Variants in IL34 observed in about 807,000 individuals in gnomAD.
IL34 encodes the protein interleukin-34.
Under a neutral mutation model 25.3 loss-of-function variants are expected in IL34, and 17 were observed. The ratio of observed to expected loss-of-function variants is 0.67; its 90% CI spans 0.46 to 1.01. The LOEUF is 1.01. IL34 is among the 50% of genes least tolerant of loss of function. The pLI, the probability that IL34 is intolerant of heterozygous loss-of-function variation, is 0.00. For missense variants in IL34, 368 were observed against 312.9 expected (o/e 1.18, Z -1.33); for synonymous variants, 174 against 140.9 (o/e 1.23, Z -1.66).
Position 70,646,954 on chromosome 16 carries a change from C to G in IL34, c.7C>G (p.Arg3Gly). The G allele has an allele frequency of 1.4e-6, 2 of 1,467,882 alleles. No homozygotes were observed. The highest frequency in any genetic ancestry group is 3.1e-5 in the Admixed American group (1 of 31,802). 90.9% of individuals were successfully genotyped at this position (1,467,882 alleles called of 1,614,324 possible). A position where few individuals can be genotyped will look rare whatever the true frequency, so the allele number is the denominator to read the frequency against. Residue 3 changes from arginine to glycine, a missense_variant, in exon 1 of 6, where the codon CGG becomes GGG. Transcript: ENST00000288098. The stretch of plus-strand genomic sequence containing the variant: ...GGGGACGAGGAACACCACCATGCCC[C>G]GGGGCTTCACCTGGCTGCGCTGTGA... MP[R>G]GFTWLRYLGI...
At chr16:70,639,757 C>A (rs913678918) in intron 1 of IL34, among the ~76,000 whole-genome samples, 2 of 152,118 alleles carry the variant, frequency 1.3e-5, no homozygotes, top group East Asian at 3.9e-4. Flanking sequence ...AGTTTGAGAG[C>A]AGCTTGAGCA....
chr16:70,650,058 C>T (rs938993150), intron 1 of IL34, among the ~76,000 whole-genome samples: 29 of 152,182 alleles, frequency 1.9e-4, no homozygotes, highest in Non-Finnish European at 3.2e-4. Context: ...CTCGGCCTTC[C>T]AAAGTGCTGG....
intron 1 of IL34, among the ~76,000 whole-genome samples, chr16:70,591,722 C>T (rs552648160): frequency 6.6e-5 from 10 of 152,286 alleles, no homozygotes; most frequent in South Asian, 6.2e-4. Flanking sequence ...ACCATCTCCC[C>T]GGATTCTTAC....
intron 1 of IL34, among the ~76,000 whole-genome samples, chr16:70,581,377 T>G (rs1396923581): frequency 1.3e-5 from 2 of 152,096 alleles, no homozygotes; most frequent in African/African-American, 4.8e-5. Flanking sequence ...ATTCGACTTT[T>G]CTGGACAACT....
chr16:70,656,897 G>C, intron 3 of IL34, 63 bp from the exon 4 acceptor site: 1 of 1,534,618 alleles, frequency 6.5e-7, no homozygotes, highest in Non-Finnish European at 8.9e-7. Flanking sequence ...TCCCTGGTGA[G>C]GGAGTGGTCA....
intron 1 of IL34, among the ~76,000 whole-genome samples, chr16:70,587,594 G>A (rs977958756): frequency 2.0e-5 from 3 of 151,918 alleles, no homozygotes; most frequent in Admixed American, 6.6e-5. Flanking sequence ...TTGAATCCCA[G>A]CTCTGCCACC....
chr16:70,608,888 C>T (rs534653493), intron 1 of IL34, among the ~76,000 whole-genome samples: 4 of 150,178 alleles, frequency 2.7e-5, no homozygotes, highest in South Asian at 2.2e-4. Flanking sequence ...GCGAGGAAGG[C>T]GGGGTGTGGG....
intron 1 of IL34, among the ~76,000 whole-genome samples, chr16:70,650,835 A>T (rs1276171149): frequency 1.3e-5 from 2 of 152,136 alleles, no homozygotes; most frequent in Admixed American, 1.3e-4. Flanking sequence ...AGGGATGACA[A>T]TGTCTGCTCC....
At chr16:70,588,050 G>A (rs1419475363) in intron 1 of IL34, among the ~76,000 whole-genome samples, 5 of 152,068 alleles carry the variant, frequency 3.3e-5, no homozygotes, top group African/African-American at 1.2e-4. Flanking sequence ...GAAACAAACA[G>A]AAAACAATAT....
At position 70,654,534 on chromosome 16, in the gene IL34, A is replaced by G. The variant is rs113395524; in HGVS notation, c.29-4A>G. 1.9e-6 allele frequency: 3 copies of G among 1,606,646 alleles called. No homozygotes were observed. Among genetic ancestry groups the G allele is most frequent in the Non-Finnish European group, 1.7e-6 (2 of 1,174,676 alleles). On this transcript the variant is annotated splice_polypyrimidine_tract_variant and splice_region_variant and intron_variant, in intron 1 of 5. Coordinates refer to ENST00000288098, the MANE Select transcript of IL34 (RefSeq NM_001393494.1). ...CATGTGCTCTTGTCGGGTGTGGTCCACAGATCTTGGGATCTTCCTTGGCGT... is the reference window on the plus strand; with the variant it reads ...CATGTGCTCTTGTCGGGTGTGGTCCGCAGATCTTGGGATCTTCCTTGGCGT...
chr16:70,587,813 C>T lies in IL34; in HGVS notation c.-401+7764C>T, dbSNP rs531462550. 3.5e-4 allele frequency among the ~76,000 whole-genome samples: 53 copies of T among 151,662 alleles called. 1 individual carries two copies. Among genetic ancestry groups the T allele is most frequent in the African/African-American group, 1.2e-3 (50 of 41,358 alleles). ...CAGCACTTTGGGAGGCCGAGGCGAGCAGATCACTTGAGGCCAAGAGTTTGA... is the reference window on the plus strand; with the variant it reads ...CAGCACTTTGGGAGGCCGAGGCGAGTAGATCACTTGAGGCCAAGAGTTTGA... On this transcript the variant is annotated intron_variant, in intron 1 of 6. Coordinates refer to the IL34 transcript ENST00000429149.
chr16:70,651,164 A>T (rs1466946427), intron 1 of IL34, among the ~76,000 whole-genome samples: 1 of 151,728 alleles, frequency 6.6e-6, no homozygotes, highest in Non-Finnish European at 1.5e-5. Context: ...CAGAAAGGGG[A>T]GACCCTGGCG....
chr16:70,623,963 G>GAA (rs1224670495), intron 1 of IL34, among the ~76,000 whole-genome samples: 13 of 122,654 alleles, frequency 1.1e-4, no homozygotes, highest in Non-Finnish European at 2.2e-4. Context: ...TGATTAAGGC[G>GAA]ACGGACTTAC....
chr16:70,657,525 G>A (rs757867388), intron 4 of IL34, among the ~76,000 whole-genome samples: 14 of 152,124 alleles, frequency 9.2e-5, no homozygotes, highest in African/African-American at 1.4e-4. Context: ...CGGGCGCGGC[G>A]GCTCATGCCT....
At chr16:70,628,497 T>TTTATTTA (rs57128087) in intron 1 of IL34, among the ~76,000 whole-genome samples, 2,417 of 149,388 alleles carry the variant, frequency 0.016, 64 homozygotes, top group African/African-American at 0.058. Context: ...TTATTTATTT[T>TTTATTTA]TTTTTTTGAG....
intron 1 of IL34, among the ~76,000 whole-genome samples, chr16:70,603,524 C>T (rs1037811188): frequency 2.6e-5 from 4 of 151,940 alleles, no homozygotes; most frequent in African/African-American, 9.7e-5. Flanking sequence ...GTGATCCACC[C>T]GCCTCAGCCT....
chr16:70,649,662 G>C (rs375036783), intron 1 of IL34, among the ~76,000 whole-genome samples: 2 of 152,126 alleles, frequency 1.3e-5, no homozygotes, highest in Non-Finnish European at 2.9e-5. Context: ...TTTGGTCCCC[G>C]GGGCTGGGGG....
chr16:70,640,998 G>A (rs8064220), intron 1 of IL34, among the ~76,000 whole-genome samples: 11,430 of 152,110 alleles, frequency 0.075, 1,377 homozygotes, highest in African/African-American at 0.26. Flanking sequence ...TTGCCTGGGC[G>A]TGGTGGCTCA....
intron 1 of IL34, among the ~76,000 whole-genome samples, chr16:70,608,848 G>T (rs1037972987): frequency 6.6e-6 from 1 of 152,092 alleles, no homozygotes; most frequent in African/African-American, 2.4e-5. Context: ...AAGCTGGGAA[G>T]CAGAGCTGGC....
Sources: allele counts gnomAD v4.1 joint callset (sites outside exome capture counted in the v4.1 genomes callset), GRCh38; gene constraint gnomAD v4.1.1; transcripts MANE v1.5; gene names NCBI Gene and HGNC (gene_info 2026-07-23, HGNC 2026-07-21).